AGBL1: variants seen among roughly 807,000 people sequenced by gnomAD.
AGBL1 encodes the protein cytosolic carboxypeptidase 4.
Under a neutral mutation model 118.9 loss-of-function variants are expected in AGBL1, and 130 were observed. The observed-to-expected ratio is 1.09, with a 90% CI of 0.95 to 1.26. The LOEUF is 1.26. AGBL1 is among the 50% of genes most tolerant of loss of function. AGBL1 has a pLI of 0.00. For missense variants in AGBL1, 1,584 were observed against 1,298.1 expected (o/e 1.22, Z -3.38); for synonymous variants, 555 against 478.9 (o/e 1.16, Z -2.08).
At chr15:86,515,609 T>C (rs1338445151) in intron 18 of AGBL1, among the ~76,000 whole-genome samples, 1 of 152,216 alleles carries the variant, frequency 6.6e-6, no homozygotes, top group Non-Finnish European at 1.5e-5. Flanking sequence ...AAATGACCCT[T>C]AGTTTTATCT....
chr15:86,495,918 T>C (rs775600655), intron 18 of AGBL1, among the ~76,000 whole-genome samples: 1 of 152,004 alleles, frequency 6.6e-6, no homozygotes, highest in Non-Finnish European at 1.5e-5. Context: ...TCCTTGGAAC[T>C]ATTTTATCCT....
At chr15:86,166,243 C>T (rs28575798) in intron 5 of AGBL1, among the ~76,000 whole-genome samples, 11,631 of 152,192 alleles carry the variant, frequency 0.076, 1,512 homozygotes, top group African/African-American at 0.26. Flanking sequence ...GTGCCTGTCT[C>T]AATGTTAAGT....
intron 22 of AGBL1, among the ~76,000 whole-genome samples, chr15:86,729,745 T>C (rs1263167899): frequency 1.3e-5 from 2 of 152,206 alleles, no homozygotes; most frequent in Non-Finnish European, 2.9e-5. Context: ...TATGAGTGCA[T>C]GTGTCCTTTT....
At chr15:86,312,834 G>T (rs2079940914) in intron 17 of AGBL1, among the ~76,000 whole-genome samples, 1 of 152,162 alleles carries the variant, frequency 6.6e-6, no homozygotes, top group Non-Finnish European at 1.5e-5. Context: ...CTTCAACAGA[G>T]CTGTCACTGT....
At chr15:86,535,634 G>T (rs1316696787) in intron 19 of AGBL1, among the ~76,000 whole-genome samples, 2 of 152,162 alleles carry the variant, frequency 1.3e-5, no homozygotes, top group Non-Finnish European at 2.9e-5. Flanking sequence ...TCTGCCAGAG[G>T]ACAGGGTGGG....
intron 22 of AGBL1, among the ~76,000 whole-genome samples, chr15:86,817,780 A>G (rs2078886471): frequency 6.6e-6 from 1 of 152,090 alleles, no homozygotes; most frequent in Non-Finnish European, 1.5e-5. Flanking sequence ...TTATTTGCAA[A>G]CAGGGTCTTT....
At chr15:86,268,474 G>T (rs2079107558) in intron 13 of AGBL1, among the ~76,000 whole-genome samples, 1 of 152,152 alleles carries the variant, frequency 6.6e-6, no homozygotes, top group African/African-American at 2.4e-5. Flanking sequence ...TCAGGATGCG[G>T]CTAAGCTGCT....
chr15:86,439,439 A>G (rs1254911021), intron 18 of AGBL1, among the ~76,000 whole-genome samples: 1 of 152,158 alleles, frequency 6.6e-6, no homozygotes, highest in East Asian at 1.9e-4. Context: ...CCTGTATGGT[A>G]CATTTTAATT....
At chr15:86,486,103 T>A (rs1478866259) in intron 18 of AGBL1, among the ~76,000 whole-genome samples, 1 of 152,084 alleles carries the variant, frequency 6.6e-6, no homozygotes. Flanking sequence ...ATCATTAATT[T>A]GGAGATAATT....
chr15:86,118,509 A>C (rs1897902159), intron 1 of AGBL1, among the ~76,000 whole-genome samples: 1 of 151,646 alleles, frequency 6.6e-6, no homozygotes, highest in African/African-American at 2.4e-5. Flanking sequence ...TGCATCTTAA[A>C]TTTCCTTTAT....
At chr15:86,581,113 C>T (rs1282667907) in intron 21 of AGBL1, among the ~76,000 whole-genome samples, 3 of 152,080 alleles carry the variant, frequency 2.0e-5, no homozygotes, top group African/African-American at 7.2e-5. Flanking sequence ...AATTATGGAA[C>T]TTGATATTAT....
chr15:86,157,705 A>G (rs1394176129), intron 4 of AGBL1, among the ~76,000 whole-genome samples: 1 of 152,176 alleles, frequency 6.6e-6, no homozygotes, highest in East Asian at 1.9e-4. Flanking sequence ...ATTGTTAGCC[A>G]CTGTTGAATG....
At chr15:86,195,833 T>A (rs1038399784) in intron 5 of AGBL1, among the ~76,000 whole-genome samples, 4 of 152,238 alleles carry the variant, frequency 2.6e-5, no homozygotes, top group African/African-American at 9.6e-5. Flanking sequence ...ATTTTTGCTT[T>A]TTTATTTATT....
At chr15:86,251,735 G>C (rs1010928040) in intron 7 of AGBL1, among the ~76,000 whole-genome samples, 9 of 152,022 alleles carry the variant, frequency 5.9e-5, no homozygotes, top group Non-Finnish European at 1.2e-4. Context: ...GTGCAGCAAG[G>C]GTGCTGTGTA....
intron 23 of AGBL1, among the ~76,000 whole-genome samples, chr15:86,929,395 A>G (rs990483007): frequency 6.6e-6 from 1 of 152,206 alleles, no homozygotes; most frequent in Non-Finnish European, 1.5e-5. Context: ...CCTCTGGACA[A>G]TACACAAAAT....
intron 5 of AGBL1, among the ~76,000 whole-genome samples, chr15:86,198,511 A>G (rs2077851405): frequency 6.6e-6 from 1 of 152,208 alleles, no homozygotes; most frequent in African/African-American, 2.4e-5. Flanking sequence ...GCCTTAACTG[A>G]GTCCCCCTGA....
chr15:86,298,409 C>T (rs1326375102), intron 17 of AGBL1, among the ~76,000 whole-genome samples: 1 of 143,396 alleles, frequency 7.0e-6, no homozygotes, highest in Non-Finnish European at 1.5e-5. Flanking sequence ...TAAACACATG[C>T]CGTTGCTGTG....
At chr15:86,130,522 A>T (rs1358561766) in intron 1 of AGBL1, among the ~76,000 whole-genome samples, 1 of 152,160 alleles carries the variant, frequency 6.6e-6, no homozygotes. Flanking sequence ...AAAAATTAGG[A>T]TTAGAACTGG....
intron 21 of AGBL1, among the ~76,000 whole-genome samples, chr15:86,599,125 G>A (rs553604221): frequency 1.1e-4 from 16 of 152,220 alleles, no homozygotes; most frequent in African/African-American, 3.4e-4. Flanking sequence ...TTCACACCGA[G>A]CTGACTTTAT....
Sources: allele counts gnomAD v4.1 joint callset (sites outside exome capture counted in the v4.1 genomes callset), GRCh38; gene constraint gnomAD v4.1.1; transcripts MANE v1.5; gene names NCBI Gene and HGNC (gene_info 2026-07-23, HGNC 2026-07-21).